Variants in ANO3 observed in about 807,000 individuals in gnomAD.
The protein encoded by ANO3 is anoctamin 3.
Under a neutral mutation model 144.8 loss-of-function variants are expected in ANO3, and 99 were observed. The observed-to-expected ratio is 0.68, with a 90% CI of 0.58 to 0.81. ANO3 has a LOEUF of 0.81. ANO3 is among the 30% of genes least tolerant of loss of function. The pLI, the probability that ANO3 is intolerant of heterozygous loss-of-function variation, is 0.00. For missense variants in ANO3, 905 were observed against 1,202.2 expected, an observed-to-expected ratio of 0.75 and a Z score of 3.66; for synonymous variants, 414 against 392.6, an observed-to-expected ratio of 1.05 and a Z score of -0.64.
At chr11:26,448,275 G>T in intron 3 of ANO3, among the ~76,000 whole-genome samples, 1 of 148,550 alleles carries the variant, frequency 6.7e-6, no homozygotes, top group East Asian at 2.0e-4. Flanking sequence ...CTCCAGCCTG[G>T]GCAACAAAAG....
intron 1 of ANO3, among the ~76,000 whole-genome samples, chr11:26,257,635 C>A (rs1192055822): frequency 6.6e-6 from 1 of 152,064 alleles, no homozygotes; most frequent in Admixed American, 6.5e-5. Context: ...ATGCAAGCTG[C>A]TAGGCCCACT....
chr11:26,606,184 T>G (rs1186851464), intron 17 of ANO3, among the ~76,000 whole-genome samples: 1 of 152,180 alleles, frequency 6.6e-6, no homozygotes, highest in Non-Finnish European at 1.5e-5. Flanking sequence ...CTGCCTTAAT[T>G]TTGTTATTTA....
intron 1 of ANO3, among the ~76,000 whole-genome samples, chr11:26,312,994 G>A (rs1156255887): frequency 1.3e-5 from 2 of 152,152 alleles, no homozygotes; most frequent in South Asian, 2.1e-4. Context: ...AAATTCTTCA[G>A]AGAGAGTGTA....
chr11:26,332,172 C>A lies in ANO3; in HGVS notation c.-104C>A, dbSNP rs1179327210. On this transcript the variant is annotated 5_prime_UTR_variant, in exon 1 of 27. Coordinates refer to ENST00000256737, the MANE Select transcript of ANO3 (RefSeq NM_031418.4). ...CTACAGCAGGTGTCGGATTGCAGTG[C>A]GCTCGCTGAGGCTCCGGACCTTGGA... 5.0e-6 allele frequency: 8 copies of A among 1,601,492 alleles called. No individual in the cohort carries two copies. The highest frequency in any genetic ancestry group is 4.0e-5 in the African/African-American group (3 of 74,580).
intron 8 of ANO3, among the ~76,000 whole-genome samples, chr11:26,533,356 T>A (rs182722391): frequency 3.0e-4 from 45 of 152,244 alleles, no homozygotes; most frequent in African/African-American, 1.1e-3. Flanking sequence ...GATATTATGT[T>A]GGTACAACAT....
At position 26,332,191 on chromosome 11, in the gene ANO3, C is replaced by A. The variant is rs1254656799; in HGVS notation, c.-85C>A. ...GCAGTGCGCTCGCTGAGGCTCCGGACCTTGGAGCGTCTAGAGTCTGGCTAC... is the reference window on the plus strand; with the variant it reads ...GCAGTGCGCTCGCTGAGGCTCCGGAACTTGGAGCGTCTAGAGTCTGGCTAC... On this transcript the variant is annotated 5_prime_UTR_variant, in exon 1 of 27. Coordinates refer to ENST00000256737, the MANE Select transcript of ANO3 (RefSeq NM_031418.4). 6 of 1,612,638 alleles carry A rather than the reference C, an allele frequency of 3.7e-6. No individual in the cohort carries two copies. The East Asian group carries it at 1.1e-4, about 30-fold the overall frequency.
chr11:26,381,596 T>C (rs961717431), intron 1 of ANO3, among the ~76,000 whole-genome samples: 1 of 152,336 alleles, frequency 6.6e-6, no homozygotes, highest in South Asian at 2.1e-4. Context: ...TACTAGCATA[T>C]AGTACAATAC....
intron 17 of ANO3, among the ~76,000 whole-genome samples, chr11:26,601,609 C>G (rs1265430478): frequency 6.6e-6 from 1 of 152,190 alleles, no homozygotes; most frequent in Non-Finnish European, 1.5e-5. Flanking sequence ...AGGTTGTGCA[C>G]TGCACAAGCA....
intron 1 of ANO3, chr11:26,285,838 C>T (rs953903987): frequency 1.3e-5 from 2 of 152,148 alleles, no homozygotes; most frequent in African/African-American, 2.4e-5. Context: ...CAGCAGTTTT[C>T]CATTCATGCC....
intron 18 of ANO3, among the ~76,000 whole-genome samples, chr11:26,624,910 C>T (rs969866123): frequency 6.6e-6 from 1 of 151,406 alleles, no homozygotes; most frequent in Non-Finnish European, 1.5e-5. Flanking sequence ...ACCAAAGGAA[C>T]TACTTTTTAA....
chr11:26,463,125 GA>G lies in ANO3; in HGVS notation c.411del (p.Glu137AspfsTer11), dbSNP rs767038259. 1.9e-6 allele frequency: 3 copies of G among 1,578,208 alleles called. No individual in the cohort carries two copies. Among genetic ancestry groups the G allele is most frequent in the Non-Finnish European group, 2.6e-6 (3 of 1,158,434 alleles). ...INDFVIKDKS[E>X]FKTKLSKNDM... is the part of the protein sequence containing the mutation. ...TGACTTTGTTATCAAAGATAAATCT[GA>G]ATTCAAGACAAAATTATCTAAGGTA... is the stretch of plus-strand genomic sequence containing the variant. On this transcript the variant is annotated frameshift_variant, in exon 4 of 27. Coordinates refer to ENST00000256737, the MANE Select transcript of ANO3 (RefSeq NM_031418.4). LOFTEE classifies it high-confidence loss of function.
intron 4 of ANO3, among the ~76,000 whole-genome samples, chr11:26,504,630 T>C (rs1003476042): frequency 2.0e-5 from 3 of 152,106 alleles, no homozygotes; most frequent in African/African-American, 7.2e-5. Flanking sequence ...GGAGAGCAAC[T>C]GGAGGGTCTA....
intron 17 of ANO3, among the ~76,000 whole-genome samples, chr11:26,612,329 ATTATT>A (rs1264936335): frequency 1.3e-5 from 2 of 151,854 alleles, no homozygotes; most frequent in African/African-American, 4.8e-5. Context: ...TTGTAGATGT[ATTATT>A]TTAAGATTTA....
Position 26,413,875 on chromosome 11 carries a change from A to T in ANO3, c.47-28043A>T, listed in dbSNP as rs1027605556. On this transcript the variant is annotated intron_variant, in intron 1 of 26. Coordinates refer to ENST00000256737, the MANE Select transcript of ANO3 (RefSeq NM_031418.4). ...GGCAGCTTTACACTGGCAGACATAAAGAAATTGAATGAAGGTTAAATTAAG... is the reference window on the plus strand; with the variant it reads ...GGCAGCTTTACACTGGCAGACATAATGAAATTGAATGAAGGTTAAATTAAG... Among the ~76,000 whole-genome samples, 42 of 152,106 alleles carry T rather than the reference A, an allele frequency of 2.8e-4. 5 individuals carry two copies. Among genetic ancestry groups the T allele is most frequent in the Admixed American group, 2.3e-3 (35 of 15,232 alleles).
intron 1 of ANO3, among the ~76,000 whole-genome samples, chr11:26,268,744 A>T (rs1853371402): frequency 6.6e-6 from 1 of 152,182 alleles, no homozygotes; most frequent in South Asian, 2.1e-4. Flanking sequence ...GCTGAGCTGC[A>T]TTCAGCTGAG....
intron 1 of ANO3, among the ~76,000 whole-genome samples, chr11:26,293,683 A>T (rs1482769210): frequency 6.6e-6 from 1 of 151,368 alleles, no homozygotes; most frequent in African/African-American, 2.4e-5. Context: ...ACACTAACAG[A>T]GACTAAAAAT....
At chr11:26,512,481 G>A (rs1861704400) in intron 5 of ANO3, among the ~76,000 whole-genome samples, 1 of 152,090 alleles carries the variant, frequency 6.6e-6, no homozygotes, top group African/African-American at 2.4e-5. Flanking sequence ...CCCCTGGCCA[G>A]TAACTGCAAA....
intron 1 of ANO3, among the ~76,000 whole-genome samples, chr11:26,201,454 G>T (rs748324365): frequency 1.3e-5 from 2 of 151,718 alleles, no homozygotes; most frequent in Non-Finnish European, 2.9e-5. Flanking sequence ...CTTATGCCAG[G>T]GATATTTTTT....
intron 4 of ANO3, among the ~76,000 whole-genome samples, chr11:26,497,381 A>C (rs1260319237): frequency 6.6e-6 from 1 of 152,032 alleles, no homozygotes; most frequent in Non-Finnish European, 1.5e-5. Context: ...GTTACTCAGC[A>C]GTGGCATTGC....
Sources: allele counts gnomAD v4.1 joint callset (sites outside exome capture counted in the v4.1 genomes callset), GRCh38; gene constraint gnomAD v4.1.1; transcripts MANE v1.5; gene names NCBI Gene and HGNC (gene_info 2026-07-23, HGNC 2026-07-21).